The following PVT1 variants were observed in gnomAD, a reference collection of about 807,000 sequenced individuals.
PVT1 encodes the protein Pvt1 oncogene, also known as CXCR4/PVT1 fusion.
chr8:127,854,877 A>G (rs1417667926), intron 2 of PVT1: 1 of 322,644 alleles, frequency 3.1e-6, no homozygotes, highest in East Asian at 4.8e-5. Context: ...CCATTGGCAC[A>G]GGGTAGCATG....
chr8:128,001,029 C>T (rs1474579023), intron 4 of PVT1, among the ~76,000 whole-genome samples: 3 of 152,342 alleles, frequency 2.0e-5, no homozygotes, highest in South Asian at 2.1e-4. Context: ...AGGTGTATTT[C>T]TGTATTTCCT....
chr8:128,000,290 G>A (rs28378538), intron 4 of PVT1, among the ~76,000 whole-genome samples: 18,940 of 152,114 alleles, frequency 0.12, 1,535 homozygotes, highest in Non-Finnish European at 0.18. Flanking sequence ...TCAGCCAGGC[G>A]TCCCAAACTC....
intron 2 of PVT1, among the ~76,000 whole-genome samples, chr8:127,823,617 C>G (rs1345355417): frequency 1.3e-5 from 2 of 152,148 alleles, no homozygotes; most frequent in Non-Finnish European, 2.9e-5. Context: ...TGTCCCGGGA[C>G]TCACACTGGG....
intron 5 of PVT1, among the ~76,000 whole-genome samples, chr8:128,086,306 G>A (rs1814254258): frequency 6.6e-6 from 1 of 152,160 alleles, no homozygotes. Context: ...CACATCTAGG[G>A]GGACAGAAGC....
At chr8:127,924,399 C>T (rs1231715536) in intron 3 of PVT1, among the ~76,000 whole-genome samples, 2 of 152,064 alleles carry the variant, frequency 1.3e-5, no homozygotes, top group Non-Finnish European at 2.9e-5. Flanking sequence ...TGCAGTGGTG[C>T]CATCTTGGCT....
chr8:128,034,658 G>T (rs560502556), intron 4 of PVT1, among the ~76,000 whole-genome samples: 1 of 152,332 alleles, frequency 6.6e-6, no homozygotes, highest in East Asian at 1.9e-4. Context: ...TAGTTCAGAA[G>T]GGAGCTTGGG....
At chr8:127,906,588 T>C (rs928705398) in intron 3 of PVT1, among the ~76,000 whole-genome samples, 2 of 152,114 alleles carry the variant, frequency 1.3e-5, no homozygotes, top group Non-Finnish European at 2.9e-5. Flanking sequence ...TGTCCCCTGC[T>C]CCTAGGGGTT....
chr8:128,077,941 A>C (rs895116749), intron 5 of PVT1, among the ~76,000 whole-genome samples: 2 of 152,206 alleles, frequency 1.3e-5, no homozygotes, highest in African/African-American at 2.4e-5. Flanking sequence ...ACAAAAATAA[A>C]TTTCCTGACA....
chr8:128,002,512 T>C (rs1368181493), intron 4 of PVT1, among the ~76,000 whole-genome samples: 1 of 151,976 alleles, frequency 6.6e-6, no homozygotes, highest in East Asian at 1.9e-4. Context: ...AATCAAAGAG[T>C]TGTGAGGGCT....
intron 3 of PVT1, among the ~76,000 whole-genome samples, chr8:127,932,292 C>T (rs1309524674): frequency 2.0e-5 from 3 of 152,212 alleles, no homozygotes; most frequent in Non-Finnish European, 4.4e-5. Flanking sequence ...CCATTACTAA[C>T]GGGTGTCTGC....
At chr8:128,005,283 G>A (rs113346367) in intron 4 of PVT1, among the ~76,000 whole-genome samples, 2,259 of 152,250 alleles carry the variant, frequency 0.015, 54 homozygotes, top group African/African-American at 0.051. Flanking sequence ...ATCAGCTATC[G>A]TTAGTGTTAG....
At chr8:128,065,385 C>T (rs562729126) in intron 4 of PVT1, among the ~76,000 whole-genome samples, 194 of 152,182 alleles carry the variant, frequency 1.3e-3, no homozygotes, top group Middle Eastern at 3.4e-3. Context: ...AGGGTTTTGC[C>T]ATGTTGGCCA....
At chr8:127,891,416 A>T (rs1311073090) in intron 3 of PVT1, among the ~76,000 whole-genome samples, 1 of 152,222 alleles carries the variant, frequency 6.6e-6, no homozygotes, top group Non-Finnish European at 1.5e-5. Context: ...GCTCAGAGCT[A>T]GGAACAACAT....
In PVT1 at chr8:128,064,228, C is replaced by T. The variant is rs1224792981; in HGVS notation, n.913-5932C>T. On this transcript the variant is annotated intron_variant and non_coding_transcript_variant, in intron 4 of 10. Coordinates refer to ENST00000651587, the Ensembl canonical transcript of PVT1. ...CTCCTGTAAATCACCAGAGGGGATG[C>T]AGTCTCAGACTGAGTTTGAGTATTG... Among the ~76,000 whole-genome samples the T allele has an allele frequency of 2.0e-5, 3 of 152,222 alleles. No homozygotes were observed. In the East Asian group the frequency reaches 5.8e-4, roughly 29 times the overall value.
chr8:127,844,142 C>T (rs1336730117), intron 2 of PVT1, among the ~76,000 whole-genome samples: 2 of 151,926 alleles, frequency 1.3e-5, no homozygotes, highest in Non-Finnish European at 2.9e-5. Context: ...ACCACCATGC[C>T]CGGCTAATTT....
At chr8:127,993,395 G>A (rs553067476) in intron 4 of PVT1, among the ~76,000 whole-genome samples, 4 of 152,350 alleles carry the variant, frequency 2.6e-5, no homozygotes, top group African/African-American at 9.6e-5. Flanking sequence ...TCATCTAGCA[G>A]CCAGCCACAC....
intron 2 of PVT1, among the ~76,000 whole-genome samples, chr8:127,866,169 T>G (rs1400606337): frequency 6.6e-6 from 1 of 152,146 alleles, no homozygotes; most frequent in Non-Finnish European, 1.5e-5. Context: ...CCAGTACCCT[T>G]AGGCCCCAGA....
intron 2 of PVT1, among the ~76,000 whole-genome samples, chr8:127,871,154 A>C (rs1449115088): frequency 2.0e-5 from 3 of 152,232 alleles, no homozygotes; most frequent in Non-Finnish European, 4.4e-5. Flanking sequence ...CGCAATGCAG[A>C]GGAATGGTTA....
At chr8:127,846,905 T>A (rs1815040448) in intron 2 of PVT1, among the ~76,000 whole-genome samples, 1 of 150,384 alleles carries the variant, frequency 6.6e-6, no homozygotes, top group Non-Finnish European at 1.5e-5. Flanking sequence ...GGTCTTGAAC[T>A]CCTGTCCTCA....
Sources: allele counts gnomAD v4.1 joint callset (sites outside exome capture counted in the v4.1 genomes callset), GRCh38; gene constraint gnomAD v4.1.1; transcripts MANE v1.5; gene names NCBI Gene and HGNC (gene_info 2026-07-23, HGNC 2026-07-21).